The following ROS1 variants were observed in gnomAD, a reference collection of about 807,000 sequenced individuals.
The protein encoded by ROS1 is proto-oncogene tyrosine-protein kinase ROS.
In ROS1, 263 loss-of-function variants were observed where a neutral mutation model predicts 273.5. The observed-to-expected ratio is 0.96, with a 90% CI of 0.87 to 1.06. The LOEUF is 1.06. ROS1 is among the 50% of genes least tolerant of loss of function. The pLI is 0.00. For missense variants in ROS1, 2,833 were observed against 2,751.1 expected, an observed-to-expected ratio of 1.03 and a Z score of -0.67; for synonymous variants, 1,008 against 954.1, an observed-to-expected ratio of 1.06 and a Z score of -1.04.
chr6:117,382,906 T>A (rs962638020), intron 17 of ROS1, among the ~76,000 whole-genome samples: 1 of 152,122 alleles, frequency 6.6e-6, no homozygotes, highest in African/African-American at 2.4e-5. Context: ...TTAGAAACAG[T>A]TTTTAAAACA....
At chr6:117,292,083 C>T (rs1773875667) in intron 43 of ROS1, among the ~76,000 whole-genome samples, 3 of 152,004 alleles carry the variant, frequency 2.0e-5, no homozygotes, top group Admixed American at 2.0e-4. Flanking sequence ...CATTCTCCTA[C>T]CTCAGCCTCT....
chr6:117,373,564 G>A (rs1187550906), intron 18 of ROS1, among the ~76,000 whole-genome samples: 1 of 152,228 alleles, frequency 6.6e-6, no homozygotes, highest in Non-Finnish European at 1.5e-5. Context: ...TGGTGGCACT[G>A]GCCAGCCGCT....
chr6:117,390,457 A>G (rs922316964), intron 12 of ROS1, among the ~76,000 whole-genome samples: 1 of 152,180 alleles, frequency 6.6e-6, no homozygotes, highest in African/African-American at 2.4e-5. Flanking sequence ...TTAAAGGAAA[A>G]CATACTATAT....
At position 117,394,273 on chromosome 6, in the gene ROS1, G is replaced by A; in HGVS notation, c.1080C>T (p.Ala360=). The A allele has an allele frequency of 6.2e-7, 1 of 1,610,604 alleles. No homozygotes were observed. Among genetic ancestry groups the A allele is most frequent in the Non-Finnish European group, 8.5e-7 (1 of 1,178,792 alleles). The change falls in exon 11 of 44, where the codon GCC becomes GCT. Residue 360 remains alanine, a synonymous_variant. Transcript: ENST00000368507. ...TCAGGTCAGATACATCAGACATGTT[G>A]GCAGCCTTCTTCGCCCATATGAGAG... ...EGTLIWAKKA[A]NMSDVSDLRI...
At chr6:117,322,805 A>G (rs185298818) in intron 35 of ROS1, among the ~76,000 whole-genome samples, 1 of 152,344 alleles carries the variant, frequency 6.6e-6, no homozygotes, top group Admixed American at 6.5e-5. Flanking sequence ...AAAGAACCGA[A>G]TTAGCTTAGC....
chr6:117,386,135 T>G (rs1283472724), intron 15 of ROS1, among the ~76,000 whole-genome samples: 1 of 152,190 alleles, frequency 6.6e-6, no homozygotes, highest in South Asian at 2.1e-4. Flanking sequence ...AAAACAAAAT[T>G]ATGAAGTAGG....
intron 2 of ROS1, among the ~76,000 whole-genome samples, chr6:117,417,862 C>T (rs1006925897): frequency 1.3e-5 from 2 of 152,198 alleles, no homozygotes; most frequent in Non-Finnish European, 2.9e-5. Flanking sequence ...AAGTGAGGTG[C>T]CTTTTACTCT....
In ROS1 at chr6:117,365,680, A is replaced by T; in HGVS notation, c.2859T>A (p.Ile953=). ...PDSVQESSFR[I]EGNASSFQIL... ...TTTGAAAACTTGAAGCATTTCCTTCAATCCTAAATGAAGACTCTTGAACAG... is the reference window on the plus strand; with the variant it reads ...TTTGAAAACTTGAAGCATTTCCTTCTATCCTAAATGAAGACTCTTGAACAG... Residue 953 remains isoleucine, a synonymous_variant, in exon 20 of 44, where the codon ATT becomes ATA. Coordinates refer to ENST00000368507, the MANE Select transcript of ROS1 (RefSeq NM_001378902.1). 1 of 1,612,656 alleles carries T rather than the reference A, an allele frequency of 6.2e-7. No homozygotes were observed. Among genetic ancestry groups the T allele is most frequent in the Non-Finnish European group, 8.5e-7 (1 of 1,179,118 alleles).
At chr6:117,385,894 T>G (rs769598782) in intron 15 of ROS1, 33 bp from the exon 16 acceptor site, 25 of 1,579,432 alleles carry the variant, frequency 1.6e-5, no homozygotes, top group Admixed American at 3.3e-5. Flanking sequence ...GCAGTTATTT[T>G]TCATACATAC....
At position 117,313,225 on chromosome 6, in the gene ROS1, TTTTG is replaced by T. The variant is rs375897228; in HGVS notation, c.6118-2112_6118-2109del. ...ACATATTTGTATTACTTTGACAGTT[TTTTG>T]TTTGTTTGTTTCGCTTTTTTCTATC... On this transcript the variant is annotated intron_variant, in intron 39 of 43. Coordinates refer to ENST00000368507, the MANE Select transcript of ROS1 (RefSeq NM_001378902.1). Among the ~76,000 whole-genome samples the T allele has an allele frequency of 2.8e-3, 422 of 152,240 alleles. 1 individual carries two copies. Among genetic ancestry groups the T allele is most frequent in the African/African-American group, 9.1e-3 (380 of 41,564 alleles).
Position 117,308,802 on chromosome 6 carries a change from A to G in ROS1, c.6543T>C (p.Pro2181=). 1 of 1,612,596 alleles carries G rather than the reference A, an allele frequency of 6.2e-7. No individual in the cohort carries two copies. Among genetic ancestry groups the G allele is most frequent in the South Asian group, 1.1e-5 (1 of 90,916 alleles). ...TAACATAATTAACTTACAGATCATC[A>G]GGACAATTTCTTGGTGGCTCCAGTC... The part of the protein sequence containing the change: ...GGRLEPPRNC[P]DDLWNLMTQC... Residue 2181 remains proline (P), a synonymous_variant, in exon 42 of 44, where the codon CCT becomes CCC. Coordinates refer to ENST00000368507, the MANE Select transcript of ROS1 (RefSeq NM_001378902.1).
intron 26 of ROS1, among the ~76,000 whole-genome samples, chr6:117,354,572 G>T (rs1344875865): frequency 6.6e-6 from 1 of 152,068 alleles, no homozygotes; most frequent in Non-Finnish European, 1.5e-5. Context: ...AAGTAGCAGG[G>T]TTTTTTAAAG....
chr6:117,383,512 A>T lies in ROS1; in HGVS notation c.2290-4T>A, dbSNP rs1772323831. 4 of 1,611,168 alleles carry T rather than the reference A, an allele frequency of 2.5e-6. No homozygotes were observed. The East Asian group carries it at 8.9e-5, about 36-fold the overall frequency. ...TCAACACAGACTGCCTTTGTATCTA[A>T]AAAACATAATTGTATGGCCAGTTAA... On this transcript the variant is annotated splice_region_variant and splice_polypyrimidine_tract_variant and intron_variant, in intron 16 of 43. Transcript: ENST00000368507.
intron 31 of ROS1, among the ~76,000 whole-genome samples, chr6:117,337,761 T>C (rs534126371): frequency 1.4e-4 from 21 of 152,112 alleles, no homozygotes; most frequent in African/African-American, 4.8e-4. Flanking sequence ...AGCAATAATA[T>C]TTTTACATGT....
chr6:117,413,043 C>G (rs1228522094), intron 4 of ROS1, among the ~76,000 whole-genome samples: 1 of 152,008 alleles, frequency 6.6e-6, no homozygotes, highest in African/African-American at 2.4e-5. Flanking sequence ...CTTAGCCAAC[C>G]CTCACCTCCA....
At chr6:117,311,242 G>A (rs1189572608) in intron 39 of ROS1, 125 bp from the exon 40 acceptor site, 3 of 459,318 alleles carry the variant, frequency 6.5e-6, no homozygotes, top group Admixed American at 8.4e-5. Flanking sequence ...GTTTTAAAGG[G>A]ATTTTTAGTT....
At position 117,362,953 on chromosome 6, in the gene ROS1, C is replaced by A. The variant is rs1190987095; in HGVS notation, c.3104-88G>T. 3.6e-6 allele frequency: 4 copies of A among 1,120,362 alleles called. No homozygotes were observed. In the East Asian group the frequency reaches 1.1e-4, roughly 30 times the overall value. 69.4% of individuals were successfully genotyped at this position (1,120,362 alleles called of 1,614,324 possible). A position where few individuals can be genotyped will look rare whatever the true frequency, so the allele number is the denominator to read the frequency against. On this transcript the variant is annotated intron_variant, in intron 21 of 43. Coordinates refer to ENST00000368507, the MANE Select transcript of ROS1 (RefSeq NM_001378902.1). ...TTACCACTTATAATAAGATTGTAAA[C>A]AACTTAACAATATTTCTCATTCCAG...
At chr6:117,418,620 C>T (rs1775521789) in intron 1 of ROS1, 114 bp from the exon 2 acceptor site, 2 of 669,012 alleles carry the variant, frequency 3.0e-6, no homozygotes, top group Non-Finnish European at 4.9e-6. Flanking sequence ...CATTTTGTAA[C>T]TCTAAAGTAA....
In ROS1 at chr6:117,386,919, A is replaced by T; in HGVS notation, c.2080T>A (p.Phe694Ile). The change falls in exon 15 of 44, where the codon TTC (phenylalanine) becomes ATC (isoleucine). Residue 694 changes from phenylalanine (F) to isoleucine (I), a missense_variant. By Grantham distance (21) the Phe-to-Ile change is conservative (BLOSUM62 0). Transcript: ENST00000368507. Reference protein sequence around the residue: ...KPLNSFGPGEFLSSDIGNVSD... With the variant: ...KPLNSFGPGEILSSDIGNVSD... ...ACATTTCCTATATCAGAGGATAAGAACTCTCCTGGGCCAAAGCTATTTAAT... is the reference window on the plus strand; with the variant it reads ...ACATTTCCTATATCAGAGGATAAGATCTCTCCTGGGCCAAAGCTATTTAAT... 2 of 1,608,782 alleles carry T rather than the reference A, an allele frequency of 1.2e-6. No individual in the cohort carries two copies. The highest frequency in any genetic ancestry group is 8.5e-7 in the Non-Finnish European group (1 of 1,175,868).
Sources: gnomAD v4.1 joint callset for allele counts (sites outside exome capture counted in the v4.1 genomes callset) on GRCh38, gnomAD v4.1.1 for gene constraint, MANE v1.5 for transcripts, NCBI Gene and HGNC (gene_info 2026-07-23, HGNC 2026-07-21) for gene names.